Variants in FERMT1 observed in about 807,000 individuals in gnomAD.
FERMT1 encodes fermitin family homolog 1.
A neutral mutation model predicts 85.3 loss-of-function variants in FERMT1; 60 were observed. That is an observed-to-expected ratio of 0.70 (90% CI 0.57 to 0.87). The LOEUF is 0.87. Ranked by LOEUF, FERMT1 falls within the 40% of genes least tolerant of loss-of-function variation. The probability of loss-of-function intolerance (pLI) is 0.00; values close to 1 mark genes in which losing one functional copy is unlikely to be tolerated. For synonymous variants in FERMT1, 275 were observed against 301.1 expected (o/e 0.91, Z 0.90); for missense variants, 701 against 818.9 (o/e 0.86, Z 1.76).
chr20:6,112,454 A>G, intron 4 of FERMT1, 23 bp downstream of exon 4: 1 of 1,612,192 alleles, frequency 6.2e-7, no homozygotes, highest in East Asian at 2.2e-5. Flanking sequence ...TTCAAACAAC[A>G]AAACACCTGT....
chr20:6,118,559 GA>G (rs567084923), intron 2 of FERMT1, among the ~76,000 whole-genome samples: 3 of 150,122 alleles, frequency 2.0e-5, no homozygotes, highest in Non-Finnish European at 4.4e-5. Context: ...AATAAGGACT[GA>G]AAAAAAAACT....
intron 1 of FERMT1, among the ~76,000 whole-genome samples, chr20:6,121,361 C>G (rs1486124940): frequency 1.3e-5 from 2 of 152,268 alleles, no homozygotes; most frequent in African/African-American, 4.8e-5. Context: ...ATCTCGTGAT[C>G]CACCTGCCTT....
chr20:6,122,435 C>T (rs1983302605), intron 1 of FERMT1, among the ~76,000 whole-genome samples: 1 of 152,146 alleles, frequency 6.6e-6, no homozygotes. Flanking sequence ...AAACAGTCCC[C>T]GACCCTTCCC....
At chr20:6,089,988 A>C (rs1982305868) in intron 9 of FERMT1, among the ~76,000 whole-genome samples, 1 of 152,154 alleles carries the variant, frequency 6.6e-6, no homozygotes. Context: ...CTCATGCCAG[A>C]GGGGCGGACT....
At chr20:6,097,496 C>A in intron 7 of FERMT1, 28 bp downstream of exon 7, 1 of 1,520,412 alleles carries the variant, frequency 6.6e-7, no homozygotes, top group East Asian at 2.3e-5. Context: ...TGTCTCCTTC[C>A]AGAGAAAAGG....
chr20:6,086,171 A>G (rs1355857688), intron 11 of FERMT1, among the ~76,000 whole-genome samples: 2 of 152,160 alleles, frequency 1.3e-5, no homozygotes, highest in Non-Finnish European at 2.9e-5. Flanking sequence ...AAGGACACAA[A>G]GAAGTGCCAT....
At chr20:6,108,744 G>A (rs1428196480) in intron 5 of FERMT1, among the ~76,000 whole-genome samples, 1 of 151,728 alleles carries the variant, frequency 6.6e-6, no homozygotes, top group Non-Finnish European at 1.5e-5. Context: ...AACCCGGGAG[G>A]TGGAGGTTGC....
At position 6,085,251 on chromosome 20, in the gene FERMT1, A is replaced by G. The variant is rs778492139; in HGVS notation, c.1408T>C (p.Leu470=). Residue 470 remains leucine (L), a synonymous_variant, in exon 12 of 15, where the codon TTG becomes CTG. Coordinates refer to ENST00000217289, the MANE Select transcript of FERMT1 (RefSeq NM_017671.5). ...QYAQWMAACM[L]ASKGKTMADS... The stretch of plus-strand genomic sequence containing the variant: ...GCCATGGTTTTGCCCTTCGATGCCA[A>G]CATGCAGGCAGCCATCCATTGGGCG... 2 of 1,613,988 alleles carry G rather than the reference A, an allele frequency of 1.2e-6. No individual in the cohort carries two copies. The highest frequency in any genetic ancestry group is 2.2e-5 in the South Asian group (2 of 91,072).
At chr20:6,083,369 T>A (rs1397785468) in intron 13 of FERMT1, among the ~76,000 whole-genome samples, 1 of 152,120 alleles carries the variant, frequency 6.6e-6, no homozygotes, top group Admixed American at 6.5e-5. Context: ...CTCCTATGCA[T>A]CCTTCAGACC....
chr20:6,097,659 T>C (rs1555800124), intron 6 of FERMT1, 28 bp from the exon 7 acceptor site: 16 of 1,397,876 alleles, frequency 1.1e-5, no homozygotes, highest in Admixed American at 1.7e-5. Context: ...GGTGTGTGTG[T>C]AATGAGGTAT....
At position 6,103,767 on chromosome 20, in the gene FERMT1, GTT is replaced by G. The variant is rs66482243; in HGVS notation, c.849+3763_849+3764del. ...TTGTAAAGACTTTTACTTTGTTATAGTTTTTTTTTTTTTTTTTTGGCCAGATG... is the reference window on the plus strand; with the variant it reads ...TTGTAAAGACTTTTACTTTGTTATAGTTTTTTTTTTTTTTTTGGCCAGATG... On this transcript the variant is annotated intron_variant, in intron 6 of 14. Coordinates refer to ENST00000217289, the MANE Select transcript of FERMT1 (RefSeq NM_017671.5). 3.6e-3 allele frequency among the ~76,000 whole-genome samples: 369 copies of G among 102,030 alleles called. 1 individual carries two copies. The highest frequency in any genetic ancestry group is 7.4e-3 in the African/African-American group (196 of 26,402). 66.9% of individuals were successfully genotyped at this position (102,030 alleles called of 152,430 possible).
chr20:6,090,477 A>G (rs890969058), intron 9 of FERMT1, among the ~76,000 whole-genome samples: 1 of 152,106 alleles, frequency 6.6e-6, no homozygotes, highest in African/African-American at 2.4e-5. Flanking sequence ...AAAAAAAAGT[A>G]TATGCTGGGT....
rs780384988 is a variant in FERMT1 at position 6,110,523 on chromosome 20, G to A, written c.533-12C>T. On this transcript the variant is annotated splice_polypyrimidine_tract_variant and intron_variant, in intron 4 of 14. Coordinates refer to ENST00000217289, the MANE Select transcript of FERMT1 (RefSeq NM_017671.5). ...TAAACCAGGACTTACTGCAAGGCAG[G>A]GGGATCAAGAACTATGATATGAGAA... The A allele has an allele frequency of 1.9e-6, 3 of 1,598,644 alleles. No homozygotes were observed. Among genetic ancestry groups the A allele is most frequent in the Non-Finnish European group, 2.6e-6 (3 of 1,165,878 alleles).
chr20:6,096,782 C>CTTTTTTT, intron 8 of FERMT1, 120 bp downstream of exon 8: 1 of 533,694 alleles, frequency 1.9e-6, no homozygotes, highest in South Asian at 1.8e-5. Flanking sequence ...TGAAGAGCAT[C>CTTTTTTT]TTTTTTTTTT....
chr20:6,110,175 GC>G, intron 5 of FERMT1, 122 bp downstream of exon 5: 1 of 819,932 alleles, frequency 1.2e-6, no homozygotes, highest in Non-Finnish European at 2.1e-6. Flanking sequence ...GCTAAAATCA[GC>G]ACTAACTTTT....
At chr20:6,088,024 A>C in intron 10 of FERMT1, 141 bp from the exon 11 acceptor site, 1 of 680,344 alleles carries the variant, frequency 1.5e-6, no homozygotes, top group Non-Finnish European at 2.7e-6. Context: ...CAAGCTGATA[A>C]CATTAATTAA....
chr20:6,090,727 AAAAT>A (rs779645292), intron 9 of FERMT1, among the ~76,000 whole-genome samples: 34 of 152,276 alleles, frequency 2.2e-4, no homozygotes, highest in African/African-American at 6.0e-4. Flanking sequence ...TTGTTTCTAA[AAAAT>A]AAATAAATAA....
intron 11 of FERMT1, among the ~76,000 whole-genome samples, chr20:6,087,193 C>T (rs1330926946): frequency 6.6e-6 from 1 of 152,184 alleles, no homozygotes; most frequent in Admixed American, 6.5e-5. Flanking sequence ...ATCAGCTCAA[C>T]CAGAGGCACA....
chr20:6,107,680 A>G, intron 5 of FERMT1, 46 bp from the exon 6 acceptor site: 11 of 979,092 alleles, frequency 1.1e-5, no homozygotes, highest in Non-Finnish European at 1.8e-5. Context: ...AATTTTACAT[A>G]TATATCCATT....
Sources: gnomAD v4.1 joint callset for allele counts (sites outside exome capture counted in the v4.1 genomes callset) on GRCh38, gnomAD v4.1.1 for gene constraint, MANE v1.5 for transcripts, NCBI Gene and HGNC (gene_info 2026-07-23, HGNC 2026-07-21) for gene names.